OTOGL: variants seen among roughly 807,000 people sequenced by gnomAD.
The protein encoded by OTOGL is otogelin-like protein.
Under a neutral mutation model 318.5 loss-of-function variants are expected in OTOGL, and 285 were observed. The observed-to-expected ratio is 0.89, with a 90% CI of 0.81 to 0.99. OTOGL has a LOEUF of 0.99. Among genes scored for constraint, OTOGL ranks in the 50% least tolerant of loss-of-function variants. The pLI is 0.00. For synonymous variants in OTOGL, 987 were observed against 936.5 expected (o/e 1.05, Z -0.99); for missense variants, 2,899 against 2,845.6 (o/e 1.02, Z -0.43).
At chr12:80,345,220 A>ATG (rs1450183487) in intron 44 of OTOGL, among the ~76,000 whole-genome samples, 3 of 138,150 alleles carry the variant, frequency 2.2e-5, no homozygotes, top group South Asian at 2.2e-4. Flanking sequence ...TATAAAATAT[A>ATG]TATATATTAT....
At chr12:80,319,607 A>G (rs1004941075) in intron 33 of OTOGL, among the ~76,000 whole-genome samples, 6 of 152,312 alleles carry the variant, frequency 3.9e-5, no homozygotes, top group Non-Finnish European at 8.8e-5. Flanking sequence ...CTTAAATTTT[A>G]CAACATGATA....
intron 29 of OTOGL, among the ~76,000 whole-genome samples, chr12:80,307,476 C>T (rs571647211): frequency 7.4e-5 from 11 of 149,284 alleles, no homozygotes; most frequent in South Asian, 2.1e-4. Context: ...GGTGGCTGGC[C>T]GGGCAGAGGG....
At chr12:80,337,888 A>G (rs553858191) in intron 42 of OTOGL, among the ~76,000 whole-genome samples, 1 of 152,244 alleles carries the variant, frequency 6.6e-6, no homozygotes, top group East Asian at 1.9e-4. Flanking sequence ...TAGCATTTGC[A>G]TATACCTTTG....
At chr12:80,139,035 G>A (rs1308419204) in intron 1 of OTOGL, among the ~76,000 whole-genome samples, 2 of 152,122 alleles carry the variant, frequency 1.3e-5, no homozygotes, top group African/African-American at 2.4e-5. Context: ...CTCCCTTATA[G>A]CGAGGGTCCT....
chr12:80,150,086 T>C (rs572162822), intron 1 of OTOGL, among the ~76,000 whole-genome samples: 1 of 152,292 alleles, frequency 6.6e-6, no homozygotes, highest in African/African-American at 2.4e-5. Context: ...CGCTTTTCTT[T>C]ATATAGTGTC....
chr12:80,353,193 G>C, intron 45 of OTOGL, 132 bp from the exon 46 acceptor site: 1 of 619,648 alleles, frequency 1.6e-6, no homozygotes, highest in Non-Finnish European at 2.5e-6. Context: ...CAGAGTAAGT[G>C]AAAAATGGAC....
rs1337521835 is a variant in OTOGL, at chr12:80,358,767, G to A, written c.6218G>A (p.Trp2073Ter). The change falls in exon 51 of 59, where the codon TGG (tryptophan) becomes TAG (stop). Residue 2073 changes from tryptophan to a stop codon, truncating the protein, a stop_gained. Transcript: ENST00000547103. LOFTEE classifies it high-confidence loss of function. Reference protein sequence around the residue: ...ENVSGQCCPTWHCECNCENLI... With the variant: ...ENVSGQCCPT The stretch of plus-strand genomic sequence containing the variant: ...GTATCTGGTCAATGTTGCCCAACAT[G>A]GCACTGTGGTAACTAATTTTCATAT... 1.2e-6 allele frequency: 2 copies of A among 1,604,466 alleles called. No individual in the cohort carries two copies. Among genetic ancestry groups the A allele is most frequent in the South Asian group, 2.2e-5 (2 of 90,684 alleles).
At chr12:80,306,286 A>G (rs1271395763) in intron 29 of OTOGL, among the ~76,000 whole-genome samples, 1 of 152,206 alleles carries the variant, frequency 6.6e-6, no homozygotes, top group Admixed American at 6.5e-5. Flanking sequence ...GATTTTCCAA[A>G]CTTACTGACA....
At chr12:80,134,336 C>G (rs1257510373) in intron 1 of OTOGL, among the ~76,000 whole-genome samples, 1 of 152,214 alleles carries the variant, frequency 6.6e-6, no homozygotes, top group African/African-American at 2.4e-5. Flanking sequence ...TCTTTAGGGA[C>G]CTGCTATCAT....
intron 21 of OTOGL, 121 bp downstream of exon 21, chr12:80,266,737 T>TA (rs1384935619): frequency 9.4e-6 from 9 of 954,322 alleles, no homozygotes; most frequent in Non-Finnish European, 1.3e-5. Flanking sequence ...CTTTTTTTTT[T>TA]AAAAAACCCT....
Position 80,323,856 on chromosome 12 carries a change from C to A in OTOGL, c.4199+16C>A. On this transcript the variant is annotated intron_variant, in intron 35 of 58. Transcript: ENST00000547103. ...TTCTTCCACCGTAAGTAACGTTTAC[C>A]AATAAGTGATCAAAGTCCAGCCTTA... The A allele has an allele frequency of 1.3e-6, 2 of 1,568,916 alleles. No individual in the cohort carries two copies. Among genetic ancestry groups the A allele is most frequent in the Non-Finnish European group, 1.8e-6 (2 of 1,140,630 alleles).
Position 80,267,582 on chromosome 12 carries a change from C to T in OTOGL, c.2465+255C>T, listed in dbSNP as rs868329315. Among the ~76,000 whole-genome samples the T allele has an allele frequency of 8.2e-5, 10 of 122,504 alleles. No individual in the cohort carries two copies. In the East Asian group the frequency reaches 1.5e-3, roughly 18 times the overall value. The allele number at this position is 122,504 out of a possible 152,430, so 80.4% of individuals were successfully genotyped here. A position where few individuals can be genotyped will look rare whatever the true frequency, so the allele number is the denominator to read the frequency against. On this transcript the variant is annotated intron_variant, in intron 22 of 58. Transcript: ENST00000547103. ...CCTCCCCCCACCCCACAACAGGCCC[C>T]GGTGTATGATGTTCCCCTTCCTGTG...
chr12:80,210,805 T>G, intron 2 of OTOGL, 42 bp from the exon 3 acceptor site: 1 of 1,301,816 alleles, frequency 7.7e-7, no homozygotes, highest in South Asian at 1.5e-5. Context: ...GCCAATATAT[T>G]TGGATAATTT....
At chr12:80,218,856 G>A (rs1169345631) in intron 5 of OTOGL, among the ~76,000 whole-genome samples, 16 of 141,392 alleles carry the variant, frequency 1.1e-4, no homozygotes, top group East Asian at 1.0e-3. Flanking sequence ...GTGCAGTGGC[G>A]CGATCTCGGC....
At chr12:80,347,893 A>G (rs1407487327) in intron 44 of OTOGL, among the ~76,000 whole-genome samples, 4 of 151,728 alleles carry the variant, frequency 2.6e-5, no homozygotes, top group Non-Finnish European at 5.9e-5. Context: ...TTTTTTTCAT[A>G]TGTTTGTTGG....
intron 1 of OTOGL, among the ~76,000 whole-genome samples, chr12:80,111,122 G>T (rs1285987688): frequency 1.3e-5 from 2 of 152,098 alleles, no homozygotes; most frequent in Middle Eastern, 3.2e-3. Context: ...TTGTAAATTT[G>T]TTTAAGTTCC....
intron 34 of OTOGL, among the ~76,000 whole-genome samples, chr12:80,322,777 C>A (rs1887421730): frequency 6.6e-6 from 1 of 152,076 alleles, no homozygotes; most frequent in Non-Finnish European, 1.5e-5. Flanking sequence ...TCAAATCCGC[C>A]CATATATTTT....
chr12:80,150,529 C>T (rs1483113774), intron 1 of OTOGL, among the ~76,000 whole-genome samples: 1 of 152,178 alleles, frequency 6.6e-6, no homozygotes, highest in African/African-American at 2.4e-5. Context: ...GGGATTTTTG[C>T]TGTTTCTAAG....
At chr12:80,207,898 G>A (rs1212587568) in intron 1 of OTOGL, among the ~76,000 whole-genome samples, 2 of 152,026 alleles carry the variant, frequency 1.3e-5, no homozygotes, top group East Asian at 3.9e-4. Context: ...ACTAATATTT[G>A]GAATGTAATT....
Sources: gnomAD v4.1 joint callset for allele counts (sites outside exome capture counted in the v4.1 genomes callset) on GRCh38, gnomAD v4.1.1 for gene constraint, MANE v1.5 for transcripts, NCBI Gene and HGNC (gene_info 2026-07-23, HGNC 2026-07-21) for gene names.